Variants in CPNE1 observed in about 807,000 individuals in gnomAD.
CPNE1 encodes the protein copine-1.
CPNE1 carries 58 observed loss-of-function variants against 63.2 expected under a neutral mutation model. That is an observed-to-expected ratio of 0.92 (90% CI 0.74 to 1.14). The LOEUF (loss-of-function observed/expected upper bound fraction) is 1.14, where lower values mean the gene tolerates loss of function less well. CPNE1 is among the 50% of genes most tolerant of loss of function. The pLI, the probability that CPNE1 is intolerant of heterozygous loss-of-function variation, is 0.00. For synonymous variants in CPNE1, 237 were observed against 249.0 expected (o/e 0.95, Z 0.45); for missense variants, 672 against 661.7 (o/e 1.02, Z -0.17).
At chr20:35,627,049 A>G (rs2031792977) in intron 14 of CPNE1, among the ~76,000 whole-genome samples, 1 of 152,070 alleles carries the variant, frequency 6.6e-6, no homozygotes, top group African/African-American at 2.4e-5. Flanking sequence ...TTAGCTGGGC[A>G]TGGTGGCACA....
intron 1 of CPNE1, among the ~76,000 whole-genome samples, chr20:35,662,438 C>T (rs1473697759): frequency 6.6e-6 from 1 of 152,184 alleles, no homozygotes; most frequent in Non-Finnish European, 1.5e-5. Flanking sequence ...ATAAAATTAT[C>T]TTTTCTGTTT....
At position 35,653,520 on chromosome 20, in the gene CPNE1, A is replaced by T. The variant is rs1410901133; in HGVS notation, c.-1+11240T>A. The stretch of plus-strand genomic sequence containing the variant: ...TAAGTTTTTTACGGTGTAAGCGTTC[A>T]GACTTACGTGCATCATCTTCATTTT... On this transcript the variant is annotated intron_variant, in intron 1 of 15. Transcript: ENST00000397443. The T allele has an allele frequency of 1.9e-6, 3 of 1,614,120 alleles. No individual in the cohort carries two copies. The African/African-American group carries it at 4.0e-5, about 22-fold the overall frequency.
chr20:35,630,008 C>A (rs2032009564), intron 13 of CPNE1, among the ~76,000 whole-genome samples: 1 of 152,188 alleles, frequency 6.6e-6, no homozygotes. Flanking sequence ...AATCCACCCT[C>A]TGGGTCAGGC....
At chr20:35,647,210 A>AG (rs775461397) in intron 1 of CPNE1, 1 of 148,796 alleles carries the variant, frequency 6.7e-6, no homozygotes, top group African/African-American at 2.5e-5. Context: ...GCTACTCGGG[A>AG]GGCTGAGGCA....
chr20:35,655,156 C>T, intron 1 of CPNE1: 1 of 1,614,180 alleles, frequency 6.2e-7, no homozygotes, highest in Non-Finnish European at 8.5e-7. Context: ...GCGCATCATA[C>T]CAAGCCTTGC....
chr20:35,626,634 T>C lies in CPNE1; in HGVS notation c.1406A>G (p.His469Arg). ...EQLDADGGPL[H>R]TRSGQAAARD... is the part of the protein sequence containing the mutation. ...GGCAGCAGCCTGCCCAGAACGTGTA[T>C]GCAGGGGTCCACCATCAGCGTCCAG... The change falls in exon 15 of 16, where the codon CAT becomes CGT. Residue 469 changes from histidine to arginine, a missense_variant. Physicochemically the swap from His to Arg is conservative, Grantham distance 29. Coordinates refer to ENST00000397443, the MANE Select transcript of CPNE1 (RefSeq NM_152925.3). 1 of 1,614,160 alleles carries C rather than the reference T, an allele frequency of 6.2e-7. No individual in the cohort carries two copies. Among genetic ancestry groups the C allele is most frequent in the Non-Finnish European group, 8.5e-7 (1 of 1,180,024 alleles).
At chr20:35,649,459 G>A (rs560060964) in intron 1 of CPNE1, 1 of 152,628 alleles carries the variant, frequency 6.6e-6, no homozygotes, top group South Asian at 2.1e-4. Context: ...TAACTACACT[G>A]AATATTACTA....
chr20:35,629,532 T>TA (rs2031982021), intron 13 of CPNE1, among the ~76,000 whole-genome samples: 1 of 152,176 alleles, frequency 6.6e-6, no homozygotes, highest in African/African-American at 2.4e-5. Flanking sequence ...GGAGAACACT[T>TA]AGTAAGTACC....
Position 35,632,625 on chromosome 20 carries a change from G to A in CPNE1, c.201C>T (p.Arg67=), listed in dbSNP as rs562366435. The A allele has an allele frequency of 7.7e-6, 12 of 1,548,912 alleles. No individual in the cohort carries two copies. In the South Asian group the frequency reaches 1.2e-4, roughly 16 times the overall value. ...AGCGTAGCTTCTGGACTGTCTCAAA[G>A]CGGTACTCAAGCTGTAGAGTCTTGG... ...EFSKTLQLEY[R]FETVQKLRFG... is the part of the protein sequence containing the mutation. The change falls in exon 3 of 16, where the codon CGC becomes CGT. Residue 67 remains arginine, a synonymous_variant. Transcript: ENST00000397443.
intron 1 of CPNE1, among the ~76,000 whole-genome samples, chr20:35,636,559 G>A (rs961636403): frequency 1.1e-4 from 16 of 152,158 alleles, no homozygotes; most frequent in African/African-American, 3.6e-4. Context: ...CAGCGTTTTG[G>A]GACGCCGAGG....
intron 1 of CPNE1, among the ~76,000 whole-genome samples, chr20:35,645,165 G>C (rs2033035897): frequency 2.0e-5 from 3 of 152,152 alleles, no homozygotes; most frequent in Admixed American, 2.0e-4. Context: ...AATGAGATGA[G>C]TAAATGAACA....
chr20:35,634,640 T>C (rs564895901), intron 1 of CPNE1, among the ~76,000 whole-genome samples: 1 of 152,226 alleles, frequency 6.6e-6, no homozygotes, highest in South Asian at 2.1e-4. Context: ...CCATGGCCTA[T>C]AAGGTCCTGG....
intron 5 of CPNE1, 63 bp from the exon 6 acceptor site, chr20:35,632,088 T>A: frequency 1.9e-6 from 3 of 1,603,130 alleles, no homozygotes; most frequent in Non-Finnish European, 2.6e-6. Context: ...CATCCCTCTG[T>A]CCACACCCCC....
chr20:35,626,487 G>C, intron 15 of CPNE1, 80 bp downstream of exon 15: 1 of 1,587,382 alleles, frequency 6.3e-7, no homozygotes. Flanking sequence ...GAAAAGGTGA[G>C]CATCCCTTGG....
intron 14 of CPNE1, 103 bp from the exon 15 acceptor site, chr20:35,626,906 G>A: frequency 3.1e-6 from 3 of 980,676 alleles, no homozygotes; most frequent in Non-Finnish European, 4.8e-6. Flanking sequence ...CCTTGTTACA[G>A]GCCGGGTGCG....
At chr20:35,657,988 G>C (rs1447750825) in intron 1 of CPNE1, among the ~76,000 whole-genome samples, 1 of 152,006 alleles carries the variant, frequency 6.6e-6, no homozygotes, top group African/African-American at 2.4e-5. Context: ...CTTGAACCCG[G>C]GAGGCAGAGA....
chr20:35,631,397 TC>T (rs768484206), intron 8 of CPNE1, 43 bp from the exon 9 acceptor site: 2 of 1,608,606 alleles, frequency 1.2e-6, no homozygotes, highest in South Asian at 1.1e-5. Flanking sequence ...TCTCAGAGCA[TC>T]AGTCAAGGAC....
intron 1 of CPNE1, among the ~76,000 whole-genome samples, chr20:35,636,930 T>C (rs753796999): frequency 6.6e-6 from 1 of 152,228 alleles, no homozygotes; most frequent in Non-Finnish European, 1.5e-5. Context: ...TCAAATGTTT[T>C]AGGTAGCTCA....
intron 1 of CPNE1, among the ~76,000 whole-genome samples, chr20:35,639,130 G>A (rs1235246581): frequency 2.6e-5 from 4 of 150,952 alleles, no homozygotes; most frequent in Non-Finnish European, 5.9e-5. Flanking sequence ...ATAAACAAAT[G>A]TTGCACTAAA....
Sources: allele counts gnomAD v4.1 joint callset (sites outside exome capture counted in the v4.1 genomes callset), GRCh38; gene constraint gnomAD v4.1.1; transcripts MANE v1.5; gene names NCBI Gene and HGNC (gene_info 2026-07-23, HGNC 2026-07-21).